SLC22A2: variants seen among roughly 807,000 people sequenced by gnomAD.
The protein encoded by SLC22A2 is solute carrier family 22 member 2, also known as organic cation transporter 2.
SLC22A2 carries 46 observed loss-of-function variants against 60.5 expected under a neutral mutation model. That is an observed-to-expected ratio of 0.76 (90% confidence interval 0.60 to 0.97). The LOEUF (loss-of-function observed/expected upper bound fraction) is 0.97. Ranked by LOEUF, SLC22A2 falls within the 50% of genes least tolerant of loss-of-function variation. The pLI, the probability that SLC22A2 is intolerant of heterozygous loss-of-function variation, is 0.00. For missense variants in SLC22A2, 701 were observed against 706.6 expected, an observed-to-expected ratio of 0.99 and a Z score of 0.09; for synonymous variants, 303 against 267.0, an observed-to-expected ratio of 1.13 and a Z score of -1.31.
chr6:160,222,962 G>C (rs145419932), intron 10 of SLC22A2, among the ~76,000 whole-genome samples: 10 of 152,182 alleles, frequency 6.6e-5, no homozygotes, highest in Admixed American at 1.3e-4. Context: ...TGCAGGCTGC[G>C]AGTGTGTGAC....
At chr6:160,231,919 G>A (rs759048707) in intron 9 of SLC22A2, among the ~76,000 whole-genome samples, 2 of 151,902 alleles carry the variant, frequency 1.3e-5, no homozygotes, top group African/African-American at 2.4e-5. Flanking sequence ...GACCAGGACT[G>A]CGCCCTGTAG....
In SLC22A2 at chr6:160,237,501, A is replaced by G. The variant is rs1782928916; in HGVS notation, c.1501+3973T>C. On this transcript the variant is annotated intron_variant, in intron 9 of 10. Coordinates refer to ENST00000366953, the MANE Select transcript of SLC22A2 (RefSeq NM_003058.4). ...GTTATGAATGGCCCTCACCATACTG[A>G]TGCTTTCTGACTGAGCTCCTCTCTA... Among the ~76,000 whole-genome samples, 4 of 152,122 alleles carry G rather than the reference A, an allele frequency of 2.6e-5. No individual in the cohort carries two copies. The South Asian group carries it at 8.3e-4, about 32-fold the overall frequency.
At chr6:160,256,842 A>C (rs1387240079) in intron 1 of SLC22A2, 125 bp from the exon 2 acceptor site, 1 of 636,722 alleles carries the variant, frequency 1.6e-6, no homozygotes, top group Non-Finnish European at 2.8e-6. Context: ...TGTATAGTTA[A>C]GTGGCAATAA....
intron 10 of SLC22A2, 59 bp downstream of exon 10, chr6:160,224,646 C>T: frequency 1.0e-6 from 1 of 996,878 alleles, no homozygotes; most frequent in Non-Finnish European, 1.5e-6. Flanking sequence ...TTCCAAATGG[C>T]TATAGGGTTG....
chr6:160,238,485 G>T lies in SLC22A2; in HGVS notation c.1501+2989C>A, dbSNP rs991684773. On this transcript the variant is annotated intron_variant, in intron 9 of 10. Transcript: ENST00000366953. ...ACCATTCGTTTGGCATTTTATATTTGCAAAGACAGGCCTAGTTAACCAGAA... is the reference window on the plus strand; with the variant it reads ...ACCATTCGTTTGGCATTTTATATTTTCAAAGACAGGCCTAGTTAACCAGAA... Among the ~76,000 whole-genome samples, 3 of 152,136 alleles carry T rather than the reference G, an allele frequency of 2.0e-5. No homozygotes were observed. The East Asian group carries it at 5.8e-4, about 29-fold the overall frequency.
chr6:160,239,244 G>A lies in SLC22A2; in HGVS notation c.1501+2230C>T, dbSNP rs371695115. 1.6e-3 allele frequency among the ~76,000 whole-genome samples: 243 copies of A among 152,294 alleles called. 1 individual carries two copies. Among genetic ancestry groups the A allele is most frequent in the African/African-American group, 5.4e-3 (224 of 41,554 alleles). On this transcript the variant is annotated intron_variant, in intron 9 of 10. Transcript: ENST00000366953. ...GAAGTCACCCTATATAGTCTGAAAAGGGGAGGAACCCTCAGTTCCAGGAAC... is the reference window on the plus strand; with the variant it reads ...GAAGTCACCCTATATAGTCTGAAAAAGGGAGGAACCCTCAGTTCCAGGAAC...
At chr6:160,227,947 A>T (rs895501526) in intron 9 of SLC22A2, among the ~76,000 whole-genome samples, 1 of 152,242 alleles carries the variant, frequency 6.6e-6, no homozygotes, top group African/African-American at 2.4e-5. Context: ...CCATGGCAAC[A>T]TCAGGAAGTT....
At chr6:160,243,901 C>T (rs1783052146) in intron 6 of SLC22A2, 115 bp from the exon 7 acceptor site, 2 of 666,756 alleles carry the variant, frequency 3.0e-6, no homozygotes, top group Non-Finnish European at 5.2e-6. Flanking sequence ...TGACCATCTC[C>T]TTGCTAGTCC....
At chr6:160,249,458 G>A (rs150410901) in intron 3 of SLC22A2, 74 bp from the exon 4 acceptor site, 10 of 1,101,522 alleles carry the variant, frequency 9.1e-6, no homozygotes, top group African/African-American at 4.7e-5. Flanking sequence ...CAGGAAACTA[G>A]AACACCAACC....
chr6:160,255,109 C>A (rs528391754), intron 2 of SLC22A2, among the ~76,000 whole-genome samples: 1 of 152,156 alleles, frequency 6.6e-6, no homozygotes, highest in Non-Finnish European at 1.5e-5. Flanking sequence ...TGATTTAATG[C>A]GTCATCTTTA....
At chr6:160,256,898 CTCTCT>C (rs1412491259) in intron 1 of SLC22A2, among the ~76,000 whole-genome samples, 181 bp from the exon 2 acceptor site, 3 of 146,066 alleles carry the variant, frequency 2.1e-5, no homozygotes, top group Admixed American at 1.3e-4. Context: ...TTCTCTCTCT[CTCTCT>C]TTTTTTTTTT....
Position 160,245,462 on chromosome 6 carries a change from A to G in SLC22A2, c.1041T>C (p.His347=), listed in dbSNP as rs1230742701. Residue 347 remains histidine, a synonymous_variant, in exon 6 of 11, where the codon CAT becomes CAC. Coordinates refer to ENST00000366953, the MANE Select transcript of SLC22A2 (RefSeq NM_003058.4). ...ACCAGTTGTACATCAATATCATAGT[A>G]TGTTTCCTTATCTGAGGAGTTCTGA... is the stretch of plus-strand genomic sequence containing the variant. ...DLVRTPQIRK[H]TMILMYNWFT... The G allele has an allele frequency of 1.3e-6, 2 of 1,596,404 alleles. No individual in the cohort carries two copies. The highest frequency in any genetic ancestry group is 1.7e-6 in the Non-Finnish European group (2 of 1,166,816).
chr6:160,238,015 A>G (rs1782938004), intron 9 of SLC22A2, among the ~76,000 whole-genome samples: 2 of 152,282 alleles, frequency 1.3e-5, no homozygotes, highest in African/African-American at 4.8e-5. Flanking sequence ...CACTTTGTTT[A>G]GCATATAATT....
chr6:160,238,900 C>A (rs1217166845), intron 9 of SLC22A2, among the ~76,000 whole-genome samples: 1 of 152,008 alleles, frequency 6.6e-6, no homozygotes, highest in Admixed American at 6.6e-5. Flanking sequence ...TTGTTTGAAC[C>A]AGAGTGACTC....
intron 9 of SLC22A2, among the ~76,000 whole-genome samples, chr6:160,237,524 C>A (rs955266042): frequency 6.6e-6 from 1 of 152,148 alleles, no homozygotes; most frequent in African/African-American, 2.4e-5. Context: ...GAGCTCCTCT[C>A]TACCCTGAAT....
chr6:160,250,601 C>G lies in SLC22A2; in HGVS notation c.620G>C (p.Arg207Pro), dbSNP rs372563664. 1.9e-6 allele frequency: 3 copies of G among 1,613,816 alleles called. No individual in the cohort carries two copies. The highest frequency in any genetic ancestry group is 2.2e-5 in the South Asian group (2 of 91,080). ...SPTYTWMLIFRLIQGLVSKAG... is the reference protein window; with the variant it reads ...SPTYTWMLIFPLIQGLVSKAG... ...TTTGCTGACCAGTCCTTGGATTAAG[C>G]GAAAAATTAACATCCACGTATAGGT... is the stretch of plus-strand genomic sequence containing the variant. Residue 207 changes from arginine to proline, a missense_variant, in exon 3 of 11, where the codon CGC becomes CCC. Transcript: ENST00000366953.
chr6:160,246,300 C>T (rs1783093814), intron 5 of SLC22A2, among the ~76,000 whole-genome samples: 1 of 152,188 alleles, frequency 6.6e-6, no homozygotes, highest in African/African-American at 2.4e-5. Context: ...TGCACCTGGC[C>T]TATTTTCGAA....
intron 4 of SLC22A2, 107 bp downstream of exon 4, chr6:160,249,109 G>C: frequency 1.3e-6 from 1 of 763,920 alleles, no homozygotes; most frequent in Non-Finnish European, 2.1e-6. Context: ...GGTCTGGAGA[G>C]TGAAAGCAAT....
Position 160,243,599 on chromosome 6 carries a change from A to G in SLC22A2, c.1252T>C (p.Cys418Arg), listed in dbSNP as rs1259804401. The stretch of plus-strand genomic sequence containing the variant: ...CCAGGTATAAAAACTGAGGCCAGAC[A>G]GGCTGCCCCTGCAACCATATTTGAT... The part of the protein sequence containing the change: ...AASNMVAGAA[C>R]LASVFIPGDL... Residue 418 changes from cysteine to arginine, a missense_variant, in exon 7 of 11, where the codon TGT becomes CGT. Cys to Arg is a radical substitution (Grantham distance 180, BLOSUM62 -3). Coordinates refer to ENST00000366953, the MANE Select transcript of SLC22A2 (RefSeq NM_003058.4). 11 of 1,613,902 alleles carry G rather than the reference A, an allele frequency of 6.8e-6. No individual in the cohort carries two copies. Among genetic ancestry groups the G allele is most frequent in the Admixed American group, 1.7e-5 (1 of 60,018 alleles).
Sources: gnomAD v4.1 joint callset for allele counts (sites outside exome capture counted in the v4.1 genomes callset) on GRCh38, gnomAD v4.1.1 for gene constraint, MANE v1.5 for transcripts, NCBI Gene and HGNC (gene_info 2026-07-23, HGNC 2026-07-21) for gene names.